CARS2: variants seen among roughly 807,000 people sequenced by gnomAD.
The protein encoded by CARS2 is cysteinyl-tRNA synthetase 2, mitochondrial.
CARS2 carries 52 observed loss-of-function variants against 68.8 expected under a neutral mutation model. The observed-to-expected ratio is 0.76, with a 90% CI of 0.61 to 0.95. The LOEUF (loss-of-function observed/expected upper bound fraction) is 0.95, where lower values mean the gene tolerates loss of function less well. Ranked by LOEUF, CARS2 falls within the 40% of genes least tolerant of loss-of-function variation. The pLI is 0.00. For synonymous variants in CARS2, 314 were observed against 303.6 expected (o/e 1.03, Z -0.36); for missense variants, 780 against 754.2 (o/e 1.03, Z -0.40).
rs1018661935 is a variant in CARS2, at chr13:110,642,440, ACTGCCGGACCTT to A, written c.1486_1497del (p.Lys496_Gln499del). On this transcript the variant is annotated inframe_deletion, in exon 14 of 15. Coordinates refer to ENST00000257347, the MANE Select transcript of CARS2 (RefSeq NM_024537.4). ...GTGGCCTCGGGCATGGCCAGCGCAAACTGCCGGACCTTCTGCCGGAACCGCACCAGCTCGTCC... is the reference window on the plus strand; with the variant it reads ...GTGGCCTCGGGCATGGCCAGCGCAAACTGCCGGAACCGCACCAGCTCGTCC... 3.1e-6 allele frequency: 5 copies of A among 1,607,018 alleles called. No homozygotes were observed. The African/African-American group carries it at 5.3e-5, about 17-fold the overall frequency.
chr13:110,647,089 C>T lies in CARS2; in HGVS notation c.1193+12G>A, dbSNP rs368032057. 1.2e-4 allele frequency: 193 copies of T among 1,563,844 alleles called. No individual in the cohort carries two copies. The highest frequency in any genetic ancestry group is 3.5e-4 in the Middle Eastern group (2 of 5,708). On this transcript the variant is annotated intron_variant, in intron 11 of 14. Transcript: ENST00000257347. ...GAGGGGTGCCACGCCGGGTGCTAGG[C>T]GGGCCTCTTACCTCTCCCACAGCAT...
chr13:110,642,031 GTC>G (rs1317654694), intron 14 of CARS2, among the ~76,000 whole-genome samples: 2 of 152,006 alleles, frequency 1.3e-5, no homozygotes, highest in East Asian at 1.9e-4. Flanking sequence ...GAGAAAACCT[GTC>G]TCTACTAAAA....
intron 5 of CARS2, among the ~76,000 whole-genome samples, chr13:110,686,714 G>T (rs1160510935): frequency 6.6e-6 from 1 of 151,024 alleles, no homozygotes; most frequent in African/African-American, 2.4e-5. Context: ...GCGATACCAG[G>T]CCTGGCTGAT....
At chr13:110,648,593 G>A (rs549056820) in intron 10 of CARS2, 3 of 152,388 alleles carry the variant, frequency 2.0e-5, no homozygotes, top group South Asian at 4.1e-4. Flanking sequence ...GACAGCAAGC[G>A]ACGGCCCAGC....
chr13:110,702,333 A>G (rs984478979), intron 2 of CARS2, among the ~76,000 whole-genome samples: 6 of 152,214 alleles, frequency 3.9e-5, no homozygotes, highest in Non-Finnish European at 8.8e-5. Flanking sequence ...TCCAGGGACA[A>G]AACTATCTCC....
intron 13 of CARS2, 63 bp from the exon 14 acceptor site, chr13:110,642,584 A>T: frequency 6.7e-7 from 1 of 1,483,176 alleles, no homozygotes; most frequent in Non-Finnish European, 9.4e-7. Context: ...CCCCCTCCCC[A>T]CCCCGTGGTT....
At chr13:110,693,605 T>G (rs536472454) in intron 3 of CARS2, among the ~76,000 whole-genome samples, 1 of 152,246 alleles carries the variant, frequency 6.6e-6, no homozygotes, top group African/African-American at 2.4e-5. Context: ...GTGATCCACC[T>G]GCCTTAGCCT....
rs1361677599 is a variant in CARS2, at chr13:110,670,547, C to T, written c.786-3074G>A. Reference sequence around the variant, plus strand: ...AGAAAGGACATCCACACCAAAACCCCATCTGTATGTCACCACCATCAAAGA... The same window carrying T: ...AGAAAGGACATCCACACCAAAACCCTATCTGTATGTCACCACCATCAAAGA... On this transcript the variant is annotated intron_variant, in intron 7 of 14. Transcript: ENST00000257347. This position sits in a 1 kb window ranked among gnomAD's most constrained non-coding sequence, Gnocchi z 4.1. Among the ~76,000 whole-genome samples the T allele has an allele frequency of 6.6e-6, 1 of 152,196 alleles. No homozygotes were observed. The highest frequency in any genetic ancestry group is 1.5e-5 in the Non-Finnish European group (1 of 68,040).
Position 110,652,103 on chromosome 13 carries a change from C to T in CARS2, c.988-1003G>A, listed in dbSNP as rs118066617. 3.2e-3 allele frequency among the ~76,000 whole-genome samples: 492 copies of T among 152,410 alleles called. 8 individuals are homozygous for T. The highest frequency in any genetic ancestry group is 0.025 in the Admixed American group (387 of 15,312). On this transcript the variant is annotated intron_variant, in intron 9 of 14. Transcript: ENST00000257347. ...AACTGGCTCACCCCATGCCTGTCCA[C>T]TGCGCAGGAAGCTGTCGCTGACCTT...
intron 14 of CARS2, among the ~76,000 whole-genome samples, chr13:110,641,876 C>T (rs917804232): frequency 6.6e-6 from 1 of 152,238 alleles, no homozygotes; most frequent in South Asian, 2.1e-4. Context: ...ACGGCCCTCC[C>T]ACCTCATTTT....
chr13:110,709,750 A>ATC (rs1376202377), upstream of CARS2, among the ~76,000 whole-genome samples: 1 of 151,932 alleles, frequency 6.6e-6, no homozygotes, highest in Non-Finnish European at 1.5e-5. Flanking sequence ...ATATATCTAT[A>ATC]TCTCCATCCT....
Position 110,676,196 on chromosome 13 carries a change from C to T in CARS2, c.785+778G>A, listed in dbSNP as rs1437417549. Among the ~76,000 whole-genome samples the T allele has an allele frequency of 6.6e-6, 1 of 152,224 alleles. No homozygotes were observed. Among genetic ancestry groups the T allele is most frequent in the Non-Finnish European group, 1.5e-5 (1 of 68,040 alleles). ...AACATGAAACTAACTGTGGCGAGCC[C>T]CATGGGCAGCTGTGCAGCACGGGGC... is the stretch of plus-strand genomic sequence containing the variant. On this transcript the variant is annotated intron_variant, in intron 7 of 14. Coordinates refer to ENST00000257347, the MANE Select transcript of CARS2 (RefSeq NM_024537.4). This position sits in a 1 kb window ranked among gnomAD's most constrained non-coding sequence, Gnocchi z 4.0.
chr13:110,680,003 G>T (rs2063110566), intron 6 of CARS2, among the ~76,000 whole-genome samples: 1 of 152,190 alleles, frequency 6.6e-6, no homozygotes, highest in Non-Finnish European at 1.5e-5. Context: ...TCTGAAAACT[G>T]GTAAGTTAAG....
exon 1 of CARS2, chr13:110,713,435 C>G (rs896004218): frequency 1.0e-6 from 1 of 998,660 alleles, no homozygotes; most frequent in Non-Finnish European, 1.2e-6. Context: ...GTGCCAAAAA[C>G]TCCTAGTAAA....
At chr13:110,644,175 T>C (rs1282145083) in intron 13 of CARS2, 2 of 1,458,644 alleles carry the variant, frequency 1.4e-6, no homozygotes, top group African/African-American at 2.8e-5. Context: ...CGCACGAGAG[T>C]TTGCCAACTG....
chr13:110,649,418 GCTGCAGGCCGGGTGAAATT>G, intron 10 of CARS2: 1 of 152,508 alleles, frequency 6.6e-6, no homozygotes, highest in East Asian at 1.9e-4. Context: ...GCTGACAGGA[GCTGCAGGCCGGGTGAAATT>G]CTGCAGGCAC....
At chr13:110,679,193 C>T (rs1217921482) in intron 6 of CARS2, among the ~76,000 whole-genome samples, 1 of 152,132 alleles carries the variant, frequency 6.6e-6, no homozygotes, top group Non-Finnish European at 1.5e-5. Flanking sequence ...AATGAGTATC[C>T]ATGGTGCCCA....
At position 110,670,223 on chromosome 13, in the gene CARS2, C is replaced by T. The variant is rs1053234609; in HGVS notation, c.786-2750G>A. ...TTGAAGAGTAGTGGTTCTCCCAGCA[C>T]GGAGTTTGAGATCTGAGAACGGACA... On this transcript the variant is annotated intron_variant, in intron 7 of 14. Transcript: ENST00000257347. The surrounding 1 kb of genome is among the most constrained non-coding windows in gnomAD (Gnocchi z 4.1). 2.5e-4 allele frequency among the ~76,000 whole-genome samples: 38 copies of T among 152,292 alleles called. No individual in the cohort carries two copies. The highest frequency in any genetic ancestry group is 1.6e-3 in the Admixed American group (25 of 15,300).
intron 1 of CARS2, among the ~76,000 whole-genome samples, chr13:110,711,824 C>T (rs889696978): frequency 6.6e-6 from 1 of 152,262 alleles, no homozygotes; most frequent in African/African-American, 2.4e-5. Flanking sequence ...GCCGTACTCA[C>T]ATCCATAGCA....
Sources: gnomAD v4.1 joint callset for allele counts (sites outside exome capture counted in the v4.1 genomes callset) on GRCh38, gnomAD v4.1.1 for gene constraint, Gnocchi (gnomAD v3.1) non-coding constraint, MANE v1.5 for transcripts, NCBI Gene and HGNC (gene_info 2026-07-23, HGNC 2026-07-21) for gene names.